TPRG1: variants seen among roughly 807,000 people sequenced by gnomAD.
TPRG1 encodes the protein tumor protein p63-regulated gene 1 protein.
In TPRG1, 29 loss-of-function variants were observed where a neutral mutation model predicts 29.3. The observed-to-expected ratio is 0.99, with a 90% CI of 0.74 to 1.35. The LOEUF (loss-of-function observed/expected upper bound fraction) is 1.35. Ranked by LOEUF, TPRG1 falls within the 40% of genes most tolerant of loss-of-function variation. The pLI is 0.00. For missense variants in TPRG1, 327 were observed against 335.0 expected, an observed-to-expected ratio of 0.98 and a Z score of 0.19; for synonymous variants, 130 against 116.8, an observed-to-expected ratio of 1.11 and a Z score of -0.73.
At chr3:189,021,438 ATC>A (rs932150277) in intron 3 of TPRG1, among the ~76,000 whole-genome samples, 1 of 148,628 alleles carries the variant, frequency 6.7e-6, no homozygotes, top group African/African-American at 2.5e-5. Flanking sequence ...TGGTGACAAA[ATC>A]TCTCGGCATT....
At chr3:189,108,281 T>C (rs2152202970) in intron 1 of TPRG1, among the ~76,000 whole-genome samples, 1 of 152,238 alleles carries the variant, frequency 6.6e-6, no homozygotes, top group South Asian at 2.1e-4. Flanking sequence ...CTGACTTCAT[T>C]TGGAGCTGGA....
chr3:189,008,630 T>G (rs1199078586), intron 3 of TPRG1, among the ~76,000 whole-genome samples: 1 of 152,152 alleles, frequency 6.6e-6, no homozygotes, highest in African/African-American at 2.4e-5. Context: ...TTTTACTGTC[T>G]TTCTTGGACT....
chr3:189,071,781 G>A (rs1716826126), intron 4 of TPRG1, among the ~76,000 whole-genome samples: 1 of 152,194 alleles, frequency 6.6e-6, no homozygotes, highest in Admixed American at 6.5e-5. Context: ...AAAAGATGAT[G>A]TAGGATTATA....
At chr3:189,186,179 AT>A (rs1370397799) in intron 1 of TPRG1, among the ~76,000 whole-genome samples, 1 of 152,242 alleles carries the variant, frequency 6.6e-6, no homozygotes, top group Non-Finnish European at 1.5e-5. Flanking sequence ...AGTTTTCACT[AT>A]GTAAAAAATC....
At chr3:189,232,523 C>T (rs764138468) in intron 3 of TPRG1, among the ~76,000 whole-genome samples, 16 of 152,210 alleles carry the variant, frequency 1.1e-4, no homozygotes, top group Non-Finnish European at 1.8e-4. Context: ...AGCCTCGTTA[C>T]ACCACACTAC....
chr3:189,126,731 A>G (rs1171464025), intron 1 of TPRG1, among the ~76,000 whole-genome samples: 1 of 152,226 alleles, frequency 6.6e-6, no homozygotes, highest in African/African-American at 2.4e-5. Context: ...TTATGAGGAC[A>G]TCAGAAGGAT....
intron 4 of TPRG1, among the ~76,000 whole-genome samples, chr3:189,069,951 C>T (rs561856574): frequency 1.3e-5 from 2 of 152,106 alleles, no homozygotes; most frequent in African/African-American, 4.8e-5. Context: ...GGTGGTGCCA[C>T]GTGTCTGTAG....
intron 1 of TPRG1, among the ~76,000 whole-genome samples, chr3:189,178,506 G>A (rs1729795403): frequency 2.0e-5 from 3 of 152,204 alleles, no homozygotes; most frequent in Admixed American, 2.0e-4. Context: ...GCGATAGAGT[G>A]AGACTCCATC....
chr3:189,276,345 A>G (rs1463410334), intron 4 of TPRG1, among the ~76,000 whole-genome samples: 1 of 152,144 alleles, frequency 6.6e-6, no homozygotes, highest in Non-Finnish European at 1.5e-5. Context: ...AAAAGTTAAA[A>G]TGGATAAGAC....
Position 189,320,810 on chromosome 3 carries a change from T to C in TPRG1, c.818T>C (p.Ile273Thr), listed in dbSNP as rs1291468804. 6.3e-6 allele frequency: 10 copies of C among 1,586,118 alleles called. No individual in the cohort carries two copies. The highest frequency in any genetic ancestry group is 4.1e-5 in the African/African-American group (3 of 73,618). ...GGCTATTCCCTTGCCCGTGGGAGTA[T>C]TGGTTTTTGAGAGTCTTTTTGGTAC... ...KLGYSLARGSIGF is the reference protein window; with the variant it reads ...KLGYSLARGSTGF The change falls in exon 6 of 6, where the codon ATT becomes ACT. Residue 273 changes from isoleucine to threonine, a missense_variant. Coordinates refer to ENST00000345063, the MANE Select transcript of TPRG1 (RefSeq NM_198485.4).
chr3:189,107,951 G>A (rs903263223), intron 1 of TPRG1, among the ~76,000 whole-genome samples: 2 of 151,832 alleles, frequency 1.3e-5, no homozygotes, highest in African/African-American at 2.4e-5. Flanking sequence ...AGGTTGTATC[G>A]TAACAAGAGA....
In TPRG1 at chr3:189,048,369, GC is replaced by G. The variant is rs201192626; in HGVS notation, c.-463+24424del. ...TATAAAAAGATGTGTTATCAATCAG[GC>G]TTTTTGTTCTATTTAAAGAGCACAG... On this transcript the variant is annotated intron_variant, in intron 4 of 10. Coordinates refer to the TPRG1 transcript ENST00000433971. Among the ~76,000 whole-genome samples, 57 of 152,220 alleles carry G rather than the reference GC, an allele frequency of 3.7e-4. No individual in the cohort carries two copies. In the East Asian group the frequency reaches 0.011, roughly 28 times the overall value.
chr3:189,017,442 A>T (rs1350278263), intron 3 of TPRG1, among the ~76,000 whole-genome samples: 6 of 151,760 alleles, frequency 4.0e-5, no homozygotes, highest in Non-Finnish European at 7.4e-5. Context: ...ATGTGATCTC[A>T]TTGTTCAATT....
intron 3 of TPRG1, among the ~76,000 whole-genome samples, chr3:189,021,457 T>A (rs912119788): frequency 6.6e-6 from 1 of 152,198 alleles, no homozygotes; most frequent in Non-Finnish European, 1.5e-5. Context: ...CATTTGCTTG[T>A]CTGTAAAGGA....
intron 4 of TPRG1, among the ~76,000 whole-genome samples, chr3:189,091,951 T>A (rs1365074535): frequency 1.3e-5 from 2 of 152,196 alleles, no homozygotes; most frequent in Non-Finnish European, 2.9e-5. Flanking sequence ...ATTCTGTATG[T>A]CCTTATTTTG....
At chr3:189,189,137 T>C (rs954810197) in intron 1 of TPRG1, among the ~76,000 whole-genome samples, 2 of 152,178 alleles carry the variant, frequency 1.3e-5, no homozygotes, top group African/African-American at 2.4e-5. Context: ...AATTAGAAAA[T>C]ATAATTTTAA....
At chr3:189,078,758 A>C (rs967287187) in intron 4 of TPRG1, among the ~76,000 whole-genome samples, 1 of 152,192 alleles carries the variant, frequency 6.6e-6, no homozygotes, top group Non-Finnish European at 1.5e-5. Flanking sequence ...TCCACCACAC[A>C]CTAGCTGTGC....
At chr3:189,229,266 A>G (rs1467526965) in intron 3 of TPRG1, among the ~76,000 whole-genome samples, 1 of 152,052 alleles carries the variant, frequency 6.6e-6, no homozygotes, top group Admixed American at 6.5e-5. Flanking sequence ...GTATAGACAC[A>G]TTTATTTTAA....
intron 4 of TPRG1, among the ~76,000 whole-genome samples, chr3:189,308,836 A>G (rs1011265339): frequency 6.6e-6 from 1 of 152,164 alleles, no homozygotes; most frequent in African/African-American, 2.4e-5. Flanking sequence ...AATGGACTCA[A>G]TCCAGAATGC....
Sources: allele counts gnomAD v4.1 joint callset (sites outside exome capture counted in the v4.1 genomes callset), GRCh38; gene constraint gnomAD v4.1.1; transcripts MANE v1.5; gene names NCBI Gene and HGNC (gene_info 2026-07-23, HGNC 2026-07-21).